HABP2: variants seen among roughly 807,000 people sequenced by gnomAD.
The protein encoded by HABP2 is factor VII-activating protease.
A neutral mutation model predicts 66.5 loss-of-function variants in HABP2; 65 were observed. The observed-to-expected ratio is 0.98, with a 90% CI of 0.80 to 1.20. The LOEUF (loss-of-function observed/expected upper bound fraction) is 1.20, where lower values mean the gene tolerates loss of function less well. HABP2 is among the 50% of genes most tolerant of loss of function. The probability of loss-of-function intolerance (pLI) is 0.00; values close to 1 mark genes in which losing one functional copy is unlikely to be tolerated. For synonymous variants in HABP2, 263 were observed against 253.9 expected (o/e 1.04, Z -0.34); for missense variants, 786 against 691.0 (o/e 1.14, Z -1.54).
rs1565105103 is a variant in HABP2, at chr10:113,578,762, C to T, written c.704C>T (p.Ala235Val). The change falls in exon 7 of 13, where the codon GCT becomes GTT. Residue 235 changes from alanine (A) to valine (V), a missense_variant. Ala to Val is a moderately conservative substitution (Grantham distance 64, BLOSUM62 0). Coordinates refer to ENST00000351270, the MANE Select transcript of HABP2 (RefSeq NM_004132.5). ...QENYNMFMED[A>V]ETHGIGEHNF... The stretch of plus-strand genomic sequence containing the variant: ...AATTACAACATGTTTATGGAGGATG[C>T]TGAAACCCATGGGATTGGGGAACAC... The T allele has an allele frequency of 6.2e-7, 1 of 1,612,262 alleles. No homozygotes were observed. Among genetic ancestry groups the T allele is most frequent in the East Asian group, 2.2e-5 (1 of 44,880 alleles).
At chr10:113,584,979 C>T (rs929126258) in intron 11 of HABP2, among the ~76,000 whole-genome samples, 8 of 152,194 alleles carry the variant, frequency 5.3e-5, no homozygotes, top group African/African-American at 1.7e-4. Context: ...ATGTCTTTTC[C>T]AAATACTCAA....
chr10:113,576,789 T>C (rs546495540), intron 4 of HABP2, among the ~76,000 whole-genome samples: 22 of 152,332 alleles, frequency 1.4e-4, no homozygotes, highest in Middle Eastern at 6.8e-3. Flanking sequence ...ATAAACACAG[T>C]GTCTGGGCTC....
chr10:113,572,433 G>C (rs1279392066), intron 2 of HABP2, among the ~76,000 whole-genome samples: 4 of 152,196 alleles, frequency 2.6e-5, no homozygotes, highest in Admixed American at 1.3e-4. Flanking sequence ...CTGTGGGAGA[G>C]ATGGGAGAAA....
chr10:113,574,530 AATT>A, intron 3 of HABP2, 125 bp downstream of exon 3: 1 of 601,032 alleles, frequency 1.7e-6, no homozygotes, highest in South Asian at 2.1e-5. Context: ...CTATGGAAGA[AATT>A]ATTTGGACTG....
chr10:113,552,449 T>A (rs1027969664), upstream of HABP2, among the ~76,000 whole-genome samples: 4 of 152,120 alleles, frequency 2.6e-5, no homozygotes, highest in Non-Finnish European at 1.5e-5. Flanking sequence ...ATGTTTTTTT[T>A]CCTCCGCTTG....
chr10:113,561,911 C>T (rs1845106693), intron 1 of HABP2, among the ~76,000 whole-genome samples: 1 of 152,208 alleles, frequency 6.6e-6, no homozygotes, highest in Non-Finnish European at 1.5e-5. Flanking sequence ...GGAGATTACA[C>T]TGTAAATCAG....
rs551674727 is a variant in HABP2 at position 113,568,756 on chromosome 10, G to A, written c.106+1231G>A. On this transcript the variant is annotated intron_variant, in intron 2 of 12. Transcript: ENST00000351270. ...CTTAAGCCCAAATTGCTCAGGCACC[G>A]CTGAAGGGGATCCCTGGGTCTGATT... 5.9e-5 allele frequency among the ~76,000 whole-genome samples: 9 copies of A among 152,302 alleles called. No individual in the cohort carries two copies. In the East Asian group the frequency reaches 9.7e-4, roughly 16 times the overall value.
chr10:113,584,951 A>T (rs1845606894), intron 11 of HABP2, among the ~76,000 whole-genome samples: 1 of 152,236 alleles, frequency 6.6e-6, no homozygotes. Context: ...CTACAAAAAA[A>T]ATTCAGAAAG....
Position 113,570,080 on chromosome 10 carries a change from A to C in HABP2, c.106+2555A>C, listed in dbSNP as rs933754241. The C allele has an allele frequency of 5.3e-5, 8 of 152,180 alleles. 1 individual carries two copies. The highest frequency in any genetic ancestry group is 1.2e-4 in the Non-Finnish European group (8 of 68,028). The allele number at this position is 152,180 out of a possible 1,614,324, so 9.4% of individuals were successfully genotyped here. On this transcript the variant is annotated intron_variant, in intron 2 of 12. Transcript: ENST00000351270. ...TGCATGCTACTTCCTGAAAGCTAAA[A>C]CCCAAGGACTTTCATGAAACCCAAA...
intron 2 of HABP2, among the ~76,000 whole-genome samples, chr10:113,573,584 G>A (rs1433808511): frequency 1.3e-5 from 2 of 152,106 alleles, no homozygotes; most frequent in Non-Finnish European, 2.9e-5. Context: ...TGTGTCCTTG[G>A]CCAAGTTACT....
chr10:113,589,373 G>GCAGT lies in HABP2; in HGVS notation c.*1008_*1011dup. 1.8e-6 allele frequency: 1 copy of GCAGT among 566,528 alleles called. No individual in the cohort carries two copies. Among genetic ancestry groups the GCAGT allele is most frequent in the East Asian group, 2.9e-5 (1 of 34,522 alleles). 35.1% of individuals were successfully genotyped at this position (566,528 alleles called of 1,614,324 possible). A position where few individuals can be genotyped will look rare whatever the true frequency, so the allele number is the denominator to read the frequency against. ...CCCTTTCTGCGAATGTAACGAGCAA[G>GCAGT]CAGTCAGCACAGCCTGGGCTGCCCT... On this transcript the variant is annotated 3_prime_UTR_variant, in exon 13 of 13. Coordinates refer to ENST00000351270, the MANE Select transcript of HABP2 (RefSeq NM_004132.5).
At chr10:113,575,207 C>G (rs1379752269) in intron 3 of HABP2, among the ~76,000 whole-genome samples, 3 of 152,158 alleles carry the variant, frequency 2.0e-5, no homozygotes, top group African/African-American at 7.2e-5. Flanking sequence ...GAGCAGGGCC[C>G]AGGGATCCTA....
At chr10:113,582,472 G>A (rs1417377595) in intron 9 of HABP2, among the ~76,000 whole-genome samples, 2 of 152,166 alleles carry the variant, frequency 1.3e-5, no homozygotes, top group Admixed American at 1.3e-4. Flanking sequence ...TATTTGTGGA[G>A]GAAAAGAGTT....
chr10:113,568,139 C>T (rs941804315), intron 2 of HABP2, among the ~76,000 whole-genome samples: 4 of 152,232 alleles, frequency 2.6e-5, no homozygotes, highest in South Asian at 2.1e-4. Context: ...GTGCCCACAG[C>T]GTGCGCAAGC....
At chr10:113,568,764 G>T (rs759016966) in intron 2 of HABP2, among the ~76,000 whole-genome samples, 55 of 152,146 alleles carry the variant, frequency 3.6e-4, no homozygotes, top group Admixed American at 3.1e-3. Context: ...CCGCTGAAGG[G>T]GATCCCTGGG....
intron 12 of HABP2, among the ~76,000 whole-genome samples, chr10:113,586,663 C>A (rs963892267): frequency 8.5e-5 from 13 of 152,084 alleles, no homozygotes; most frequent in African/African-American, 2.9e-4. Flanking sequence ...TCCCCATAGT[C>A]CCTTTATCTG....
chr10:113,553,792 G>A (rs192253645), intron 1 of HABP2, among the ~76,000 whole-genome samples: 4 of 152,160 alleles, frequency 2.6e-5, no homozygotes, highest in East Asian at 1.9e-4. Flanking sequence ...GTTGCAGTGC[G>A]CAGGGAAGGG....
Position 113,584,227 on chromosome 10 carries a change from G to A in HABP2, c.1317G>A (p.Gly439=), listed in dbSNP as rs377707443. 31 of 1,613,732 alleles carry A rather than the reference G, an allele frequency of 1.9e-5. No individual in the cohort carries two copies. The highest frequency in any genetic ancestry group is 2.5e-5 in the Non-Finnish European group (30 of 1,179,716). The change falls in exon 11 of 13, where the codon GGG becomes GGA. Residue 439 remains glycine, a synonymous_variant. Transcript: ENST00000351270. The part of the protein sequence containing the change: ...KYVKTVCLPD[G]SFPSGSECHI... ...TGAAGACTGTGTGCTTGCCTGATGG[G>A]TCCTTTCCCTCTGGGAGTGAGTGCC...
chr10:113,576,436 T>C (rs1245374330), intron 4 of HABP2, among the ~76,000 whole-genome samples: 1 of 152,158 alleles, frequency 6.6e-6, no homozygotes, highest in Non-Finnish European at 1.5e-5. Flanking sequence ...GCTAGCTAGA[T>C]GTAGAGCAGA....
Sources: allele counts gnomAD v4.1 joint callset (sites outside exome capture counted in the v4.1 genomes callset), GRCh38; gene constraint gnomAD v4.1.1; transcripts MANE v1.5; gene names NCBI Gene and HGNC (gene_info 2026-07-23, HGNC 2026-07-21).